The following RAB38 variants were observed in gnomAD, a reference collection of about 807,000 sequenced individuals.
RAB38 encodes the protein RAB38, member RAS oncogene family.
A neutral mutation model predicts 18.4 loss-of-function variants in RAB38; 15 were observed. That is an observed-to-expected ratio of 0.82 (90% confidence interval 0.55 to 1.26). RAB38 has a LOEUF of 1.26. Ranked by LOEUF, RAB38 falls within the 50% of genes most tolerant of loss-of-function variation. The pLI is 0.00. For synonymous variants in RAB38, 101 were observed against 104.4 expected (o/e 0.97, Z 0.20); for missense variants, 294 against 267.4 (o/e 1.10, Z -0.69).
chr11:87,909,979 G>A, the RAB38 span, among the ~76,000 whole-genome samples: 1 of 152,024 alleles, frequency 6.6e-6, no homozygotes, highest in Non-Finnish European at 1.5e-5. Context: ...CTAAGAAACT[G>A]CCAAAGTGTT....
the RAB38 span, among the ~76,000 whole-genome samples, chr11:87,904,645 G>C: frequency 6.6e-6 from 1 of 151,608 alleles, no homozygotes; most frequent in Non-Finnish European, 1.5e-5. Context: ...TAAATTCTTT[G>C]AGAATTCTCC....
At chr11:87,971,261 G>A in the RAB38 span, among the ~76,000 whole-genome samples, 1 of 152,070 alleles carries the variant, frequency 6.6e-6, no homozygotes, top group East Asian at 1.9e-4. Context: ...CAGAGAAGGG[G>A]GAGGCAAGCA....
At chr11:87,943,984 C>T in the RAB38 span, among the ~76,000 whole-genome samples, 45 of 152,232 alleles carry the variant, frequency 3.0e-4, no homozygotes, top group African/African-American at 1.1e-3. Context: ...GTTTTTCCCT[C>T]ATATACAGAC....
the RAB38 span, among the ~76,000 whole-genome samples, chr11:87,968,910 G>A: frequency 6.6e-6 from 1 of 152,094 alleles, no homozygotes; most frequent in Non-Finnish European, 1.5e-5. Context: ...GTAGGAGGAT[G>A]GGGGGCAGGT....
the RAB38 span, among the ~76,000 whole-genome samples, chr11:87,899,711 G>A: frequency 6.6e-6 from 1 of 151,488 alleles, no homozygotes; most frequent in East Asian, 2.0e-4. Context: ...ACTTTCTTGG[G>A]ACATCAGAGC....
chr11:88,147,570 TAAA>T (rs397938499), intron 2 of RAB38, among the ~76,000 whole-genome samples: 1 of 128,482 alleles, frequency 7.8e-6, no homozygotes, highest in African/African-American at 2.8e-5. Context: ...ATTTTGGAAT[TAAA>T]AAAAAAAAAA....
the RAB38 span, among the ~76,000 whole-genome samples, chr11:88,049,601 T>C: frequency 2.6e-5 from 4 of 152,164 alleles, no homozygotes; most frequent in African/African-American, 9.7e-5. Context: ...ACACAAAGCC[T>C]GTTTGGTGGT....
At chr11:87,960,388 G>GAAAGAAAAAAAAAAAAAA in the RAB38 span, among the ~76,000 whole-genome samples, 1 of 142,124 alleles carries the variant, frequency 7.0e-6, no homozygotes, top group Non-Finnish European at 1.5e-5. Flanking sequence ...ACAAAAAAAA[G>GAAAGAAAAAAAAAAAAAA]AAAAAAAGAG....
At chr11:88,033,874 G>C in the RAB38 span, among the ~76,000 whole-genome samples, 10,919 of 151,664 alleles carry the variant, frequency 0.072, 639 homozygotes, top group African/African-American at 0.14. Flanking sequence ...ACTACAGGCA[G>C]CCGCCACTAT....
chr11:87,943,106 A>G, the RAB38 span, among the ~76,000 whole-genome samples: 1 of 151,880 alleles, frequency 6.6e-6, no homozygotes, highest in African/African-American at 2.4e-5. Flanking sequence ...AGGGAAATTT[A>G]CAATACCCCA....
the RAB38 span, among the ~76,000 whole-genome samples, chr11:87,829,690 C>G: frequency 6.6e-6 from 1 of 152,078 alleles, no homozygotes. Flanking sequence ...GCCTCTGAAT[C>G]TAAAATAAAA....
chr11:88,006,332 A>G, the RAB38 span, among the ~76,000 whole-genome samples: 1 of 151,626 alleles, frequency 6.6e-6, no homozygotes, highest in Non-Finnish European at 1.5e-5. Context: ...GTGAAAATGT[A>G]AATTAGCATA....
At chr11:87,949,288 T>C in the RAB38 span, among the ~76,000 whole-genome samples, 1 of 152,186 alleles carries the variant, frequency 6.6e-6, no homozygotes, top group Non-Finnish European at 1.5e-5. Flanking sequence ...CTTTTCTTCT[T>C]TGTTAGTTTT....
the RAB38 span, among the ~76,000 whole-genome samples, chr11:87,958,132 G>A: frequency 1.3e-5 from 2 of 152,084 alleles, no homozygotes; most frequent in Non-Finnish European, 2.9e-5. Context: ...GTCACTGGCA[G>A]CCACTGCCCC....
the RAB38 span, among the ~76,000 whole-genome samples, chr11:87,976,923 ATTACATTATACAAG>A: frequency 0.024 from 1 of 42 alleles, no homozygotes; most frequent in African/African-American, 0.042. Flanking sequence ...ATATATTATA[ATTACATTATACAAG>A]TATATTATAA....
chr11:88,047,561 T>G, the RAB38 span, among the ~76,000 whole-genome samples: 1 of 152,330 alleles, frequency 6.6e-6, no homozygotes, highest in Non-Finnish European at 1.5e-5. Flanking sequence ...ATACTGACTC[T>G]AAATATGCTT....
intron 1 of RAB38, among the ~76,000 whole-genome samples, chr11:88,157,391 A>G (rs892601695): frequency 6.6e-6 from 1 of 152,248 alleles, no homozygotes; most frequent in South Asian, 2.1e-4. Flanking sequence ...CCACATAATA[A>G]TAGTGGGGGA....
chr11:88,024,411 A>C, the RAB38 span, among the ~76,000 whole-genome samples: 135 of 152,320 alleles, frequency 8.9e-4, no homozygotes, highest in Middle Eastern at 0.017. Flanking sequence ...ATATGGAGAA[A>C]AAGAAACTCA....
At chr11:87,840,540 G>T in the RAB38 span, among the ~76,000 whole-genome samples, 1 of 152,172 alleles carries the variant, frequency 6.6e-6, no homozygotes, top group Admixed American at 6.5e-5. Flanking sequence ...CAGCATCCTA[G>T]TAGGAAAGTT....
Sources: gnomAD v4.1 joint callset for allele counts (sites outside exome capture counted in the v4.1 genomes callset) on GRCh38, gnomAD v4.1.1 for gene constraint, MANE v1.5 for transcripts, NCBI Gene and HGNC (gene_info 2026-07-23, HGNC 2026-07-21) for gene names.